The following FANCC variants were observed in gnomAD, a reference collection of about 807,000 sequenced individuals.
FANCC encodes the protein Fanconi anemia group C protein.
Under a neutral mutation model 71.3 loss-of-function variants are expected in FANCC, and 55 were observed. The observed-to-expected ratio is 0.77, with a 90% confidence interval of 0.62 to 0.97. FANCC has a LOEUF of 0.97. Among genes scored for constraint, FANCC ranks in the 50% least tolerant of loss-of-function variants. FANCC has a pLI of 0.00. For missense variants in FANCC, 678 were observed against 670.9 expected, an observed-to-expected ratio of 1.01 and a Z score of -0.12; for synonymous variants, 275 against 244.9, an observed-to-expected ratio of 1.12 and a Z score of -1.15.
chr9:95,158,060 T>G (rs1830543904), intron 6 of FANCC, among the ~76,000 whole-genome samples: 1 of 152,190 alleles, frequency 6.6e-6, no homozygotes, highest in African/African-American at 2.4e-5. Context: ...GCTGGAGACC[T>G]GCCTGCCTAT....
chr9:95,107,392 G>C (rs931639823), intron 13 of FANCC, 123 bp from the exon 14 acceptor site: 9 of 1,052,292 alleles, frequency 8.6e-6, no homozygotes, highest in African/African-American at 1.6e-5. Context: ...CTGAGAGAGG[G>C]AGCTAGGCAG....
chr9:95,300,379 T>C (rs1466438169), intron 1 of FANCC, among the ~76,000 whole-genome samples: 1 of 149,722 alleles, frequency 6.7e-6, no homozygotes, highest in Non-Finnish European at 1.5e-5. Flanking sequence ...AGGAATAAAA[T>C]ACATAATAAA....
At chr9:95,244,701 A>C (rs1266370748) in intron 3 of FANCC, among the ~76,000 whole-genome samples, 2 of 149,542 alleles carry the variant, frequency 1.3e-5, no homozygotes, top group Admixed American at 6.6e-5. Context: ...AAAAAAAAAA[A>C]AAAAAAAAAA....
At chr9:95,172,839 T>C (rs1411061441) in intron 4 of FANCC, among the ~76,000 whole-genome samples, 3 of 152,192 alleles carry the variant, frequency 2.0e-5, no homozygotes, top group Admixed American at 6.5e-5. Flanking sequence ...GAAAGAACTC[T>C]GAGAACTGAA....
Position 95,111,513 on chromosome 9 carries a change from C to T in FANCC, c.1279G>A (p.Ala427Thr). Residue 427 changes from alanine (A) to threonine (T), a missense_variant, in exon 13 of 15, where the codon GCC (alanine) becomes ACC (threonine). Physicochemically the swap from Ala to Thr is moderately conservative, Grantham distance 58. Transcript: ENST00000289081. The part of the protein sequence containing the change: ...EPPTALLWLL[A>T]FYYGPRDGRQ... The stretch of plus-strand genomic sequence containing the variant: ...CCATCACGGGGGCCGTAGTAGAAGG[C>T]CAAGAGCCACAGCAGGGCCGTGGGG... 6.2e-7 allele frequency: 1 copy of T among 1,614,084 alleles called. No individual in the cohort carries two copies. Among genetic ancestry groups the T allele is most frequent in the Non-Finnish European group, 8.5e-7 (1 of 1,180,016 alleles).
chr9:95,248,385 G>T (rs1343597210), intron 2 of FANCC, among the ~76,000 whole-genome samples: 1 of 152,006 alleles, frequency 6.6e-6, no homozygotes, highest in African/African-American at 2.4e-5. Flanking sequence ...CTAAAAATTA[G>T]CATCGGTTGT....
intron 1 of FANCC, among the ~76,000 whole-genome samples, chr9:95,261,984 G>A (rs1039524634): frequency 7.2e-5 from 11 of 152,112 alleles, no homozygotes; most frequent in African/African-American, 2.7e-4. Context: ...GTTCACAATG[G>A]CATCAGCTTA....
intron 7 of FANCC, 62 bp downstream of exon 7, chr9:95,149,861 C>T (rs186117573): frequency 2.6e-4 from 396 of 1,530,894 alleles, no homozygotes; most frequent in Non-Finnish European, 3.3e-4. Flanking sequence ...CTTTCCAACA[C>T]ACCACAGCCT....
intron 4 of FANCC, among the ~76,000 whole-genome samples, chr9:95,211,829 A>G (rs1034050188): frequency 6.6e-6 from 1 of 152,034 alleles, no homozygotes; most frequent in African/African-American, 2.4e-5. Context: ...GTATTTAAAG[A>G]AAAACATAAT....
At chr9:95,276,154 A>G (rs1281709805) in intron 1 of FANCC, among the ~76,000 whole-genome samples, 1 of 152,218 alleles carries the variant, frequency 6.6e-6, no homozygotes, top group East Asian at 1.9e-4. Flanking sequence ...AACTAAATAC[A>G]AAAGCTCTTC....
At position 95,206,513 on chromosome 9, in the gene FANCC, A is replaced by C. The variant is rs1468666737; in HGVS notation, c.345+34136T>G. Among the ~76,000 whole-genome samples, 59 of 152,246 alleles carry C rather than the reference A, an allele frequency of 3.9e-4. 2 individuals are homozygous for C. The highest frequency in any genetic ancestry group is 3.9e-3 in the Admixed American group (59 of 15,290). On this transcript the variant is annotated intron_variant, in intron 4 of 14. Coordinates refer to ENST00000289081, the MANE Select transcript of FANCC (RefSeq NM_000136.3). Reference sequence around the variant, plus strand: ...ATAGCAAGTTATTTTTAATGTGCACAAATGGCTAAAAAACTGGACACTTTT... The same window carrying C: ...ATAGCAAGTTATTTTTAATGTGCACCAATGGCTAAAAAACTGGACACTTTT...
At chr9:95,304,636 G>C (rs1834964560) in intron 1 of FANCC, among the ~76,000 whole-genome samples, 1 of 150,026 alleles carries the variant, frequency 6.7e-6, no homozygotes, top group South Asian at 2.1e-4. Flanking sequence ...TGTAATCCCA[G>C]CTACTTTGGA....
At chr9:95,282,778 G>C (rs993635629) in intron 1 of FANCC, among the ~76,000 whole-genome samples, 6 of 152,070 alleles carry the variant, frequency 3.9e-5, no homozygotes, top group African/African-American at 1.4e-4. Context: ...AATAAAAGGG[G>C]AAACCTTGAA....
chr9:95,306,116 A>G lies in FANCC; in HGVS notation c.-79+11410T>C, dbSNP rs570106922. 2.0e-5 allele frequency among the ~76,000 whole-genome samples: 3 copies of G among 152,350 alleles called. No individual in the cohort carries two copies. In the South Asian group the frequency reaches 6.2e-4, roughly 32 times the overall value. On this transcript the variant is annotated intron_variant, in intron 1 of 14. Coordinates refer to ENST00000289081, the MANE Select transcript of FANCC (RefSeq NM_000136.3). ...GGTATCTCTCTATACCTACAAGTTT[A>G]GTCAGAATAAAGTTTTGTTTTGGAT...
At chr9:95,247,347 G>A in intron 3 of FANCC, 85 bp downstream of exon 3, 6 of 985,874 alleles carry the variant, frequency 6.1e-6, no homozygotes, top group African/African-American at 3.3e-5. Flanking sequence ...AAAAAAACTA[G>A]GAGAAAGGTT....
At chr9:95,187,045 T>C (rs539174411) in intron 4 of FANCC, among the ~76,000 whole-genome samples, 135 of 152,208 alleles carry the variant, frequency 8.9e-4, no homozygotes, top group Non-Finnish European at 1.6e-3. Flanking sequence ...AGTGCTGGGA[T>C]TACAGGTGCG....
intron 4 of FANCC, among the ~76,000 whole-genome samples, chr9:95,220,375 C>G (rs528303045): frequency 1.3e-5 from 2 of 152,212 alleles, no homozygotes; most frequent in Non-Finnish European, 2.9e-5. Flanking sequence ...TGGGTATACA[C>G]CCAAAGGATT....
intron 7 of FANCC, 109 bp downstream of exon 7, chr9:95,149,814 C>T: frequency 7.9e-7 from 1 of 1,262,466 alleles, no homozygotes; most frequent in Non-Finnish European, 1.1e-6. Context: ...ATAAAGGGTA[C>T]TGAGACAAAA....
intron 4 of FANCC, among the ~76,000 whole-genome samples, chr9:95,210,819 T>C (rs1828450661): frequency 6.6e-6 from 1 of 152,166 alleles, no homozygotes; most frequent in African/African-American, 2.4e-5. Context: ...ATGGCAATTA[T>C]TACAGAATGG....
Sources: gnomAD v4.1 joint callset for allele counts (sites outside exome capture counted in the v4.1 genomes callset) on GRCh38, gnomAD v4.1.1 for gene constraint, MANE v1.5 for transcripts, NCBI Gene and HGNC (gene_info 2026-07-23, HGNC 2026-07-21) for gene names.